The following PDE9A variants were observed in gnomAD, a reference collection of about 807,000 sequenced individuals.
The protein encoded by PDE9A is phosphodiesterase 9A.
Under a neutral mutation model 87.4 loss-of-function variants are expected in PDE9A, and 60 were observed. That is an observed-to-expected ratio of 0.69 (90% CI 0.56 to 0.85). PDE9A has a LOEUF of 0.85. PDE9A is among the 40% of genes least tolerant of loss of function. PDE9A has a pLI of 0.00. For synonymous variants in PDE9A, 272 were observed against 279.4 expected (o/e 0.97, Z 0.27); for missense variants, 665 against 779.0 (o/e 0.85, Z 1.74).
chr21:42,715,887 C>CCTGGGT (rs1172911311), intron 4 of PDE9A, among the ~76,000 whole-genome samples: 1 of 145,562 alleles, frequency 6.9e-6, no homozygotes, highest in East Asian at 2.3e-4. Context: ...GGTTCACTGC[C>CCTGGGT]TTCAAAACCC....
chr21:42,696,693 C>T lies in PDE9A; in HGVS notation c.219-2275C>T, dbSNP rs1165721528. 2.6e-5 allele frequency among the ~76,000 whole-genome samples: 4 copies of T among 152,224 alleles called. No homozygotes were observed. The highest frequency in any genetic ancestry group is 4.4e-5 in the Non-Finnish European group (3 of 68,030). On this transcript the variant is annotated intron_variant, in intron 3 of 19. Coordinates refer to ENST00000291539, the MANE Select transcript of PDE9A (RefSeq NM_002606.3). This position sits in a 1 kb window ranked among gnomAD's most constrained non-coding sequence, Gnocchi z 5.1. ...CAGCCCAGGCCCTTCCTAGGCAACC[C>T]TGGCACGGGTCCTCACTGGCCACAC...
chr21:42,713,433 C>T (rs1453346955), intron 4 of PDE9A, among the ~76,000 whole-genome samples: 1 of 152,220 alleles, frequency 6.6e-6, no homozygotes, highest in Non-Finnish European at 1.5e-5. Context: ...AGCACCTGGC[C>T]GCTTTTCATG....
intron 17 of PDE9A, 127 bp downstream of exon 17, chr21:42,769,282 CAGAT>C: frequency 2.5e-6 from 2 of 801,592 alleles, no homozygotes; most frequent in South Asian, 3.4e-5. Flanking sequence ...CACACGTACA[CAGAT>C]ACACACAGAC....
intron 1 of PDE9A, among the ~76,000 whole-genome samples, chr21:42,684,225 T>A (rs2059321253): frequency 6.6e-6 from 1 of 152,216 alleles, no homozygotes. Context: ...AGATCCAGAA[T>A]GTTCAAAGAA....
chr21:42,765,369 C>T lies in PDE9A; in HGVS notation c.1243-12C>T, dbSNP rs975715104. On this transcript the variant is annotated splice_polypyrimidine_tract_variant and intron_variant, in intron 14 of 19. Transcript: ENST00000291539. Reference sequence around the variant, plus strand: ...TATACCCGTGTTAACACGTTGTTCTCTCGCTATTTAGGGAATGATCACATT... The same window carrying T: ...TATACCCGTGTTAACACGTTGTTCTTTCGCTATTTAGGGAATGATCACATT... 6.6e-7 allele frequency: 1 copy of T among 1,505,398 alleles called. No individual in the cohort carries two copies. Among genetic ancestry groups the T allele is most frequent in the Non-Finnish European group, 9.2e-7 (1 of 1,082,490 alleles). 93.3% of individuals were successfully genotyped at this position (1,505,398 alleles called of 1,614,324 possible).
Position 42,760,778 on chromosome 21 carries a change from C to A in PDE9A, c.1003-47C>A. ...TCCACCCCCCCTCACCCCATCCCAC[C>A]CTCCGAGTGAAGAGAGCAAACACCT... On this transcript the variant is annotated intron_variant, in intron 12 of 19. Coordinates refer to ENST00000291539, the MANE Select transcript of PDE9A (RefSeq NM_002606.3). This position sits in a 1 kb window ranked among gnomAD's most constrained non-coding sequence, Gnocchi z 5.2. 1.9e-6 allele frequency: 2 copies of A among 1,072,638 alleles called. No homozygotes were observed. Among genetic ancestry groups the A allele is most frequent in the South Asian group, 2.5e-5 (2 of 79,202 alleles). 66.4% of individuals were successfully genotyped at this position (1,072,638 alleles called of 1,614,324 possible). A position where few individuals can be genotyped will look rare whatever the true frequency, so the allele number is the denominator to read the frequency against.
intron 1 of PDE9A, among the ~76,000 whole-genome samples, chr21:42,684,984 A>T (rs1035058666): frequency 1.8e-5 from 1 of 54,116 alleles, no homozygotes; most frequent in African/African-American, 1.6e-4. Context: ...TCTTAGCTTA[A>T]AAAAAAAAAA....
intron 15 of PDE9A, among the ~76,000 whole-genome samples, chr21:42,767,260 C>T (rs1027274407): frequency 2.0e-5 from 3 of 152,060 alleles, no homozygotes; most frequent in African/African-American, 4.8e-5. Context: ...GGAGTGTGGC[C>T]GGCAGGGCCT....
At chr21:42,713,183 G>A (rs2146483868) in intron 4 of PDE9A, among the ~76,000 whole-genome samples, 2 of 152,288 alleles carry the variant, frequency 1.3e-5, no homozygotes, top group Middle Eastern at 6.8e-3. Flanking sequence ...CACCCAGGCT[G>A]GAGTGCAGTG....
intron 1 of PDE9A, among the ~76,000 whole-genome samples, chr21:42,666,855 C>G (rs770333597): frequency 7.9e-5 from 12 of 152,042 alleles, no homozygotes; most frequent in Non-Finnish European, 1.6e-4. Context: ...TCCCCATCTT[C>G]TGGCCTTTGT....
Position 42,769,379 on chromosome 21 carries a change from G to T in PDE9A, c.1590+224G>T, listed in dbSNP as rs185866506. Among the ~76,000 whole-genome samples the T allele has an allele frequency of 1.1e-4, 15 of 132,650 alleles. No homozygotes were observed. In the East Asian group the frequency reaches 2.8e-3, roughly 25 times the overall value. 87.0% of individuals were successfully genotyped at this position (132,650 alleles called of 152,430 possible). Reference sequence around the variant, plus strand: ...CACAGGCACACACTTGTGCACACAGGTACACAGGCACACAAATGCACACAC... The same window carrying T: ...CACAGGCACACACTTGTGCACACAGTTACACAGGCACACAAATGCACACAC... On this transcript the variant is annotated intron_variant, in intron 17 of 19. Coordinates refer to ENST00000291539, the MANE Select transcript of PDE9A (RefSeq NM_002606.3).
intron 4 of PDE9A, among the ~76,000 whole-genome samples, chr21:42,710,076 G>A (rs1225646600): frequency 1.3e-5 from 2 of 152,162 alleles, no homozygotes; most frequent in African/African-American, 2.4e-5. Flanking sequence ...CATATGCTGT[G>A]TTTGTTTAAC....
rs372966962 is a variant in PDE9A at position 42,775,261 on chromosome 21, A to G, written c.1769-19A>G. 2.5e-6 allele frequency: 4 copies of G among 1,611,912 alleles called. No homozygotes were observed. The highest frequency in any genetic ancestry group is 3.4e-6 in the Non-Finnish European group (4 of 1,179,114). ...TAATTCTAACAAAAACAAATCAGTC[A>G]TCGTTTCCCTTCTTCCAGGAGACTG... On this transcript the variant is annotated intron_variant, in intron 19 of 19. Transcript: ENST00000291539.
At chr21:42,669,903 G>A (rs931930356) in intron 1 of PDE9A, among the ~76,000 whole-genome samples, 3 of 152,132 alleles carry the variant, frequency 2.0e-5, no homozygotes, top group African/African-American at 4.8e-5. Flanking sequence ...CAGTGTGACC[G>A]TGCCTTCTAG....
chr21:42,733,780 G>A (rs1007279298), intron 7 of PDE9A: 2 of 245,638 alleles, frequency 8.1e-6, no homozygotes, highest in South Asian at 8.2e-5. Context: ...CACACTGATC[G>A]GCACCCTGTG....
chr21:42,757,158 G>T (rs185142916), intron 10 of PDE9A: 1 of 152,422 alleles, frequency 6.6e-6, no homozygotes, highest in East Asian at 1.9e-4. Context: ...CTCACGTGGG[G>T]CCCCATCTCC....
Position 42,653,761 on chromosome 21 carries a change from G to T in PDE9A, c.-54G>T. 1.1e-6 allele frequency: 1 copy of T among 941,110 alleles called. No individual in the cohort carries two copies. 58.3% of individuals were successfully genotyped at this position (941,110 alleles called of 1,614,324 possible). On this transcript the variant is annotated 5_prime_UTR_variant, in exon 1 of 20. Coordinates refer to ENST00000291539, the MANE Select transcript of PDE9A (RefSeq NM_002606.3). ...GCTCCCCTCCCCCGCCTCCCGCGGC[G>T]GCTGGCGTCGGGAAAGTACAGTAAA... is the stretch of plus-strand genomic sequence containing the variant.
intron 10 of PDE9A, chr21:42,757,030 A>G (rs1175665772): frequency 6.6e-6 from 1 of 152,288 alleles, no homozygotes; most frequent in Non-Finnish European, 1.5e-5. Flanking sequence ...TGCAGCCCCT[A>G]TGGTCCTGAG....
intron 1 of PDE9A, among the ~76,000 whole-genome samples, chr21:42,654,533 G>A (rs1180596358): frequency 1.3e-5 from 2 of 152,000 alleles, no homozygotes; most frequent in Admixed American, 6.5e-5. Context: ...GGGACAATGA[G>A]CGCGCCGGCT....
Sources: allele counts gnomAD v4.1 joint callset (sites outside exome capture counted in the v4.1 genomes callset), GRCh38; gene constraint gnomAD v4.1.1; non-coding constraint Gnocchi (gnomAD v3.1); transcripts MANE v1.5; gene names NCBI Gene and HGNC (gene_info 2026-07-23, HGNC 2026-07-21).